The following KCNQ3 variants were observed in gnomAD, a reference collection of about 807,000 sequenced individuals.
KCNQ3 encodes potassium voltage-gated channel subfamily Q member 3.
In KCNQ3, 30 loss-of-function variants were observed where a neutral mutation model predicts 92.5. The observed-to-expected ratio is 0.32, with a 90% CI of 0.24 to 0.44. The LOEUF (loss-of-function observed/expected upper bound fraction) is 0.44, where lower values mean the gene tolerates loss of function less well. KCNQ3 is among the 20% of genes least tolerant of loss of function. The pLI is 1.00. For missense variants in KCNQ3, 913 were observed against 1,140.3 expected (o/e 0.80, Z 2.87); for synonymous variants, 450 against 468.8 (o/e 0.96, Z 0.52).
chr8:132,364,752 A>G (rs954538086), intron 1 of KCNQ3, among the ~76,000 whole-genome samples: 1 of 152,020 alleles, frequency 6.6e-6, no homozygotes, highest in Non-Finnish European at 1.5e-5. Flanking sequence ...GGTTGGATGG[A>G]TGGATGGGTG....
chr8:132,416,987 G>A (rs554628139), intron 1 of KCNQ3, among the ~76,000 whole-genome samples: 8 of 152,186 alleles, frequency 5.3e-5, no homozygotes, highest in Admixed American at 1.3e-4. Context: ...GGGTGGAGGA[G>A]CTAACAGTTC....
rs577195075 is a variant in KCNQ3, at chr8:132,252,432, G to A, written c.387-66251C>T. Among the ~76,000 whole-genome samples, 185 of 152,168 alleles carry A rather than the reference G, an allele frequency of 1.2e-3. 2 individuals carry two copies. Among genetic ancestry groups the A allele is most frequent in the Middle Eastern group, 3.4e-3 (1 of 294 alleles). On this transcript the variant is annotated intron_variant, in intron 1 of 14. Coordinates refer to ENST00000388996, the MANE Select transcript of KCNQ3 (RefSeq NM_004519.4). ...TTCCTCCCGGTGGGTTCATAGTCTC[G>A]CTAACTTCAGGACAGAAGCTGCAGA...
chr8:132,133,878 T>C (rs1295584219), intron 13 of KCNQ3, among the ~76,000 whole-genome samples: 1 of 152,216 alleles, frequency 6.6e-6, no homozygotes, highest in African/African-American at 2.4e-5. Context: ...GGGGCTGATA[T>C]CTGAGTGTCT....
intron 1 of KCNQ3, among the ~76,000 whole-genome samples, chr8:132,415,420 C>T (rs185720470): frequency 2.0e-5 from 3 of 152,328 alleles, no homozygotes; most frequent in African/African-American, 4.8e-5. Flanking sequence ...CATCACCACC[C>T]CATGAGTCTG....
intron 1 of KCNQ3, among the ~76,000 whole-genome samples, chr8:132,477,576 G>C (rs1822444054): frequency 6.6e-6 from 1 of 152,216 alleles, no homozygotes; most frequent in Admixed American, 6.5e-5. Context: ...AAGTAAGTAT[G>C]CTTCAATATT....
At chr8:132,305,517 A>G (rs1817390676) in intron 1 of KCNQ3, among the ~76,000 whole-genome samples, 1 of 152,204 alleles carries the variant, frequency 6.6e-6, no homozygotes, top group African/African-American at 2.4e-5. Flanking sequence ...CATATTTAAT[A>G]AATCCAGCTT....
intron 1 of KCNQ3, among the ~76,000 whole-genome samples, chr8:132,255,690 T>G (rs1170672255): frequency 6.6e-6 from 1 of 152,180 alleles, no homozygotes; most frequent in Non-Finnish European, 1.5e-5. Context: ...CACAGAGACC[T>G]TTATCAATGA....
chr8:132,453,329 A>G (rs1673985921), intron 1 of KCNQ3, among the ~76,000 whole-genome samples: 1 of 152,188 alleles, frequency 6.6e-6, no homozygotes, highest in African/African-American at 2.4e-5. Flanking sequence ...CTCACTCTGG[A>G]AAAAGACAAC....
At chr8:132,286,308 C>T (rs574277536) in intron 1 of KCNQ3, among the ~76,000 whole-genome samples, 42 of 152,302 alleles carry the variant, frequency 2.8e-4, no homozygotes, top group African/African-American at 9.4e-4. Flanking sequence ...TACCTGAGGC[C>T]TTGGGAGCCC....
intron 1 of KCNQ3, among the ~76,000 whole-genome samples, chr8:132,371,253 G>A (rs898922453): frequency 2.0e-5 from 3 of 152,188 alleles, no homozygotes; most frequent in South Asian, 2.1e-4. Context: ...TAGTAAGCAC[G>A]TTTGTTGATT....
intron 1 of KCNQ3, among the ~76,000 whole-genome samples, chr8:132,431,491 G>A (rs1379921731): frequency 6.6e-6 from 1 of 152,158 alleles, no homozygotes; most frequent in Non-Finnish European, 1.5e-5. Flanking sequence ...AATCTCCTGG[G>A]CCAGCTCATC....
chr8:132,139,973 C>T, intron 11 of KCNQ3, 103 bp downstream of exon 11: 1 of 787,456 alleles, frequency 1.3e-6, no homozygotes, highest in African/African-American at 1.7e-5. Context: ...GGCTTCTCTT[C>T]CCCCTTCCCA....
chr8:132,166,605 T>C (rs923928072), intron 8 of KCNQ3, among the ~76,000 whole-genome samples: 1 of 152,138 alleles, frequency 6.6e-6, no homozygotes, highest in Non-Finnish European at 1.5e-5. Flanking sequence ...GTTTTTCTCA[T>C]AGAAAATTGG....
chr8:132,154,363 A>C (rs1012784277), intron 9 of KCNQ3, among the ~76,000 whole-genome samples: 14 of 151,922 alleles, frequency 9.2e-5, no homozygotes, highest in African/African-American at 3.4e-4. Context: ...TCTTCAGGCC[A>C]TGAAACTCCA....
chr8:132,421,445 CA>C (rs1044975944), intron 1 of KCNQ3, among the ~76,000 whole-genome samples: 2 of 152,130 alleles, frequency 1.3e-5, no homozygotes, highest in African/African-American at 4.8e-5. Context: ...TGGCAGGAAA[CA>C]TTTTTAAAAG....
intron 1 of KCNQ3, among the ~76,000 whole-genome samples, chr8:132,421,983 G>C (rs1339643456): frequency 1.3e-5 from 2 of 152,084 alleles, no homozygotes; most frequent in Non-Finnish European, 2.9e-5. Context: ...TAGTGCTGGG[G>C]CTGCACCATC....
chr8:132,275,527 AG>A (rs1816296488), intron 1 of KCNQ3, among the ~76,000 whole-genome samples: 1 of 151,518 alleles, frequency 6.6e-6, no homozygotes, highest in Admixed American at 6.6e-5. Flanking sequence ...CCCACCCTAG[AG>A]GCCCAAAACG....
chr8:132,408,045 T>C (rs1238239033), intron 1 of KCNQ3, among the ~76,000 whole-genome samples: 1 of 152,140 alleles, frequency 6.6e-6, no homozygotes, highest in Non-Finnish European at 1.5e-5. Context: ...TATTACTAGT[T>C]TATTACTGAC....
intron 1 of KCNQ3, among the ~76,000 whole-genome samples, chr8:132,229,188 A>T (rs1234945654): frequency 2.0e-5 from 3 of 151,028 alleles, no homozygotes; most frequent in Non-Finnish European, 4.4e-5. Flanking sequence ...CGGGAGGAAG[A>T]GGTTGCAGTG....
Sources: gnomAD v4.1 joint callset for allele counts (sites outside exome capture counted in the v4.1 genomes callset) on GRCh38, gnomAD v4.1.1 for gene constraint, MANE v1.5 for transcripts, NCBI Gene and HGNC (gene_info 2026-07-23, HGNC 2026-07-21) for gene names.